CAMK1D: variants seen among roughly 807,000 people sequenced by gnomAD.
CAMK1D encodes the protein calcium/calmodulin-dependent protein kinase type 1D.
CAMK1D carries 9 observed loss-of-function variants against 47.7 expected under a neutral mutation model. The ratio of observed to expected loss-of-function variants is 0.19; its 90% CI spans 0.11 to 0.33. The LOEUF is 0.33. CAMK1D is among the 10% of genes least tolerant of loss of function. The pLI is 1.00. For synonymous variants in CAMK1D, 184 were observed against 184.9 expected, an observed-to-expected ratio of 0.99 and a Z score of 0.04; for missense variants, 291 against 488.7, an observed-to-expected ratio of 0.60 and a Z score of 3.81.
intron 1 of CAMK1D, among the ~76,000 whole-genome samples, chr10:12,480,454 CA>C (rs72032629): frequency 4.0e-5 from 6 of 149,976 alleles, no homozygotes; most frequent in African/African-American, 7.3e-5. Flanking sequence ...AAACAAAAAA[CA>C]AAAAAAAACC....
At chr10:12,722,446 CAAAAAAAAAAA>C (rs55809900) in intron 3 of CAMK1D, among the ~76,000 whole-genome samples, 26 of 48,624 alleles carry the variant, frequency 5.3e-4, no homozygotes, top group Middle Eastern at 0.029. Flanking sequence ...GACTCCGCCT[CAAAAAAAAAAA>C]AAAAAAAAAA....
chr10:12,780,723 A>G (rs968183351), intron 5 of CAMK1D, among the ~76,000 whole-genome samples: 1 of 152,202 alleles, frequency 6.6e-6, no homozygotes, highest in African/African-American at 2.4e-5. Flanking sequence ...GACTATAAGC[A>G]TTACATCATT....
intron 2 of CAMK1D, among the ~76,000 whole-genome samples, chr10:12,645,562 A>T (rs1302541131): frequency 6.6e-6 from 1 of 152,186 alleles, no homozygotes; most frequent in Non-Finnish European, 1.5e-5. Flanking sequence ...CTTCCGTGAC[A>T]TAATCACTTC....
chr10:12,371,005 AGTGT>A (rs1251650166), intron 1 of CAMK1D, among the ~76,000 whole-genome samples: 1 of 152,202 alleles, frequency 6.6e-6, no homozygotes, highest in Non-Finnish European at 1.5e-5. Context: ...GCAGCTATAC[AGTGT>A]GTGTGTTTTA....
At position 12,504,637 on chromosome 10, in the gene CAMK1D, C is replaced by T. The variant is rs559083214; in HGVS notation, c.93-48588C>T. Among the ~76,000 whole-genome samples the T allele has an allele frequency of 4.6e-5, 7 of 152,264 alleles. No homozygotes were observed. In the South Asian group the frequency reaches 8.3e-4, roughly 18 times the overall value. ...CCAGCTTTTTGGGAACCTCTTAACC[C>T]GGTTAGGTTGACATGAAATTGACCA... On this transcript the variant is annotated intron_variant, in intron 1 of 10. Coordinates refer to ENST00000619168, the MANE Select transcript of CAMK1D (RefSeq NM_153498.4).
chr10:12,748,246 A>T (rs1285883394), intron 3 of CAMK1D, among the ~76,000 whole-genome samples: 7 of 152,184 alleles, frequency 4.6e-5, no homozygotes, highest in Non-Finnish European at 1.5e-5. Context: ...GAATAGTCTC[A>T]ATAAGAAATA....
chr10:12,554,959 GTT>G, intron 2 of CAMK1D, among the ~76,000 whole-genome samples: 1 of 152,308 alleles, frequency 6.6e-6, no homozygotes, highest in Non-Finnish European at 1.5e-5. Context: ...ATCTCCAAAG[GTT>G]TGGGGGAACA....
intron 2 of CAMK1D, among the ~76,000 whole-genome samples, chr10:12,555,561 G>A (rs986948361): frequency 2.6e-5 from 4 of 152,330 alleles, no homozygotes; most frequent in South Asian, 4.1e-4. Context: ...GCATCTAGCA[G>A]GAAAACACGA....
intron 1 of CAMK1D, among the ~76,000 whole-genome samples, chr10:12,358,573 G>A (rs752661436): frequency 2.6e-5 from 4 of 152,094 alleles, no homozygotes; most frequent in Non-Finnish European, 4.4e-5. Context: ...TCTGTCTCCT[G>A]GTGAACACTG....
chr10:12,751,798 A>G (rs1404382915), intron 3 of CAMK1D, among the ~76,000 whole-genome samples: 1 of 152,120 alleles, frequency 6.6e-6, no homozygotes, highest in African/African-American at 2.4e-5. Context: ...GCAGCAGGGA[A>G]GCCATGTGGT....
At chr10:12,572,967 A>G (rs977848912) in intron 2 of CAMK1D, among the ~76,000 whole-genome samples, 2 of 152,208 alleles carry the variant, frequency 1.3e-5, no homozygotes, top group African/African-American at 4.8e-5. Context: ...TTGAGAAGGA[A>G]GAATCAGCAG....
intron 2 of CAMK1D, among the ~76,000 whole-genome samples, chr10:12,606,242 C>T (rs978320084): frequency 2.0e-5 from 3 of 152,212 alleles, no homozygotes; most frequent in Admixed American, 2.0e-4. Flanking sequence ...ACTTTCTGCT[C>T]TGCCCCATGG....
intron 5 of CAMK1D, among the ~76,000 whole-genome samples, chr10:12,776,316 T>G (rs982686574): frequency 3.9e-5 from 6 of 152,114 alleles, no homozygotes; most frequent in Non-Finnish European, 8.8e-5. Context: ...TTGCTGGAGG[T>G]GGAAGAGCCT....
At chr10:12,683,025 G>A (rs928491886) in intron 3 of CAMK1D, among the ~76,000 whole-genome samples, 12 of 151,476 alleles carry the variant, frequency 7.9e-5, no homozygotes, top group African/African-American at 2.9e-4. Context: ...AGGTTCAGGC[G>A]ATTCTCCTGC....
At chr10:12,455,483 C>T (rs928183967) in intron 1 of CAMK1D, among the ~76,000 whole-genome samples, 4 of 152,272 alleles carry the variant, frequency 2.6e-5, no homozygotes, top group South Asian at 2.1e-4. Flanking sequence ...CTGGTAATCA[C>T]GGTTCTGACT....
At chr10:12,717,315 A>G (rs773150136) in intron 3 of CAMK1D, among the ~76,000 whole-genome samples, 1 of 152,198 alleles carries the variant, frequency 6.6e-6, no homozygotes, top group Non-Finnish European at 1.5e-5. Context: ...CAGTATAATT[A>G]GGCTTTCATG....
intron 6 of CAMK1D, among the ~76,000 whole-genome samples, chr10:12,791,997 T>C (rs541644455): frequency 6.6e-6 from 1 of 152,362 alleles, no homozygotes; most frequent in East Asian, 1.9e-4. Context: ...TTCCTTTTTT[T>C]CAATAATAGC....
chr10:12,680,208 T>C (rs1345135506), intron 3 of CAMK1D, among the ~76,000 whole-genome samples: 1 of 152,230 alleles, frequency 6.6e-6, no homozygotes, highest in Non-Finnish European at 1.5e-5. Flanking sequence ...GGGGGAGATC[T>C]TGCAGAGTTT....
intron 2 of CAMK1D, among the ~76,000 whole-genome samples, chr10:12,573,517 G>A (rs151199725): frequency 2.6e-5 from 4 of 152,146 alleles, no homozygotes; most frequent in Non-Finnish European, 5.9e-5. Flanking sequence ...CAGTGTGAGT[G>A]GGGGACTCAC....
Sources: gnomAD v4.1 joint callset for allele counts (sites outside exome capture counted in the v4.1 genomes callset) on GRCh38, gnomAD v4.1.1 for gene constraint, MANE v1.5 for transcripts, NCBI Gene and HGNC (gene_info 2026-07-23, HGNC 2026-07-21) for gene names.